Variants in DPYSL3 observed in about 807,000 individuals in gnomAD.
DPYSL3 encodes the protein dihydropyrimidinase-related protein 3.
Under a neutral mutation model 66.1 loss-of-function variants are expected in DPYSL3, and 16 were observed. The observed-to-expected ratio is 0.24, with a 90% CI of 0.16 to 0.37. The LOEUF is 0.37. Among genes scored for constraint, DPYSL3 ranks in the 10% least tolerant of loss-of-function variants. The pLI is 1.00. For missense variants in DPYSL3, 738 were observed against 916.2 expected (o/e 0.81, Z 2.51); for synonymous variants, 338 against 345.1 (o/e 0.98, Z 0.23).
chr5:147,397,575 G>T, intron 12 of DPYSL3, 91 bp downstream of exon 12: 1 of 1,356,514 alleles, frequency 7.4e-7, no homozygotes, highest in Non-Finnish European at 1.0e-6. Context: ...AGAGTCTAGA[G>T]ATCACAGTGC....
chr5:147,446,605 C>T (rs1234693230), intron 1 of DPYSL3, among the ~76,000 whole-genome samples: 1 of 152,172 alleles, frequency 6.6e-6, no homozygotes, highest in Non-Finnish European at 1.5e-5. Flanking sequence ...GGGAAACAGA[C>T]AGCCTGGCTA....
At chr5:147,468,802 G>C (rs1383647703) in intron 1 of DPYSL3, among the ~76,000 whole-genome samples, 1 of 152,062 alleles carries the variant, frequency 6.6e-6, no homozygotes, top group Non-Finnish European at 1.5e-5. Flanking sequence ...GTATACATGT[G>C]CCATGTTGGT....
intron 1 of DPYSL3, among the ~76,000 whole-genome samples, chr5:147,491,782 A>G (rs1753419526): frequency 6.6e-6 from 1 of 152,112 alleles, no homozygotes; most frequent in African/African-American, 2.4e-5. Context: ...AGACCAAAAC[A>G]GAATATCCAA....
chr5:147,444,859 A>C (rs1752602346), intron 1 of DPYSL3, among the ~76,000 whole-genome samples: 1 of 152,182 alleles, frequency 6.6e-6, no homozygotes, highest in Non-Finnish European at 1.5e-5. Context: ...GTAAATGTCC[A>C]GCCCTAATAG....
chr5:147,471,761 A>G (rs1344298903), intron 1 of DPYSL3, among the ~76,000 whole-genome samples: 2 of 152,130 alleles, frequency 1.3e-5, no homozygotes, highest in Non-Finnish European at 2.9e-5. Context: ...ACCAAGGGGG[A>G]AAAAATGACA....
At chr5:147,414,578 C>A (rs149301635) in intron 4 of DPYSL3, among the ~76,000 whole-genome samples, 18 of 152,310 alleles carry the variant, frequency 1.2e-4, no homozygotes, top group Non-Finnish European at 2.5e-4. Flanking sequence ...AAACACTACC[C>A]TTCCCAAAAG....
intron 1 of DPYSL3, among the ~76,000 whole-genome samples, chr5:147,433,900 C>T (rs116330551): frequency 0.025 from 3,789 of 152,046 alleles, 156 homozygotes; most frequent in African/African-American, 0.083. Flanking sequence ...GGCGTGGTGG[C>T]ATCCCTGTAA....
rs571802312 is a variant in DPYSL3 at position 147,480,505 on chromosome 5, G to A, written c.381+28973C>T. On this transcript the variant is annotated intron_variant, in intron 1 of 13. Transcript: ENST00000343218. Reference sequence around the variant, plus strand: ...TAGTAGGGTCTCTGTTATGGTGGCTGAACCTAGACTGATATGGCTATGTTA... The same window carrying A: ...TAGTAGGGTCTCTGTTATGGTGGCTAAACCTAGACTGATATGGCTATGTTA... 2.0e-5 allele frequency among the ~76,000 whole-genome samples: 3 copies of A among 152,244 alleles called. No homozygotes were observed. In the East Asian group the frequency reaches 5.8e-4, roughly 29 times the overall value.
At chr5:147,460,948 A>G (rs2126410007) in intron 1 of DPYSL3, among the ~76,000 whole-genome samples, 1 of 152,360 alleles carries the variant, frequency 6.6e-6, no homozygotes, top group East Asian at 1.9e-4. Flanking sequence ...AAGAGGTCCT[A>G]TTGATACAGG....
chr5:147,466,976 A>G (rs1164502496), intron 1 of DPYSL3, among the ~76,000 whole-genome samples: 1 of 152,148 alleles, frequency 6.6e-6, no homozygotes, highest in Non-Finnish European at 1.5e-5. Context: ...GAGTGTCAAC[A>G]AATGAGTACT....
At chr5:147,490,424 G>T (rs1753398283) in intron 1 of DPYSL3, among the ~76,000 whole-genome samples, 2 of 152,242 alleles carry the variant, frequency 1.3e-5, no homozygotes, top group African/African-American at 4.8e-5. Context: ...CCTATTAAAA[G>T]AAATGTATAA....
At chr5:147,488,378 G>T (rs1753367669) in intron 1 of DPYSL3, among the ~76,000 whole-genome samples, 1 of 152,160 alleles carries the variant, frequency 6.6e-6, no homozygotes, top group African/African-American at 2.4e-5. Context: ...CGATGAATGG[G>T]CTACAGGGTC....
chr5:147,440,176 G>A (rs1040019439), intron 1 of DPYSL3, among the ~76,000 whole-genome samples: 7 of 152,182 alleles, frequency 4.6e-5, no homozygotes, highest in African/African-American at 9.6e-5. Flanking sequence ...GGTGACAGGC[G>A]CCTGTAGTCC....
chr5:147,492,311 G>A (rs763237772), intron 1 of DPYSL3, among the ~76,000 whole-genome samples: 1 of 151,884 alleles, frequency 6.6e-6, no homozygotes, highest in African/African-American at 2.4e-5. Flanking sequence ...AAATGATATA[G>A]GTCAGAAACT....
Position 147,450,808 on chromosome 5 carries a change from C to T in DPYSL3, c.382-25845G>A, listed in dbSNP as rs140433496. On this transcript the variant is annotated intron_variant, in intron 1 of 13. Coordinates refer to ENST00000343218, the MANE Select transcript of DPYSL3 (RefSeq NM_001197294.2). ...GGGTACCAGGCCAAGAAAGACTGCCCCCACTAGTCCTCAGATTGTAGTGAC... is the reference window on the plus strand; with the variant it reads ...GGGTACCAGGCCAAGAAAGACTGCCTCCACTAGTCCTCAGATTGTAGTGAC... Among the ~76,000 whole-genome samples the T allele has an allele frequency of 1.1e-4, 17 of 152,234 alleles. No individual in the cohort carries two copies. The East Asian group carries it at 2.1e-3, about 19-fold the overall frequency.
chr5:147,477,219 G>GA (rs942973405), intron 1 of DPYSL3, among the ~76,000 whole-genome samples: 8 of 152,024 alleles, frequency 5.3e-5, no homozygotes, highest in African/African-American at 9.7e-5. Context: ...CTGGAAGTGG[G>GA]AAAAAAATAG....
intron 1 of DPYSL3, among the ~76,000 whole-genome samples, chr5:147,425,249 T>A (rs1311856369): frequency 4.6e-5 from 7 of 152,212 alleles, no homozygotes; most frequent in Admixed American, 3.9e-4. Context: ...AAGGGAGACA[T>A]CCTTTATATT....
intron 1 of DPYSL3, among the ~76,000 whole-genome samples, chr5:147,483,185 G>T (rs1030860563): frequency 2.0e-5 from 3 of 152,146 alleles, no homozygotes; most frequent in Admixed American, 6.5e-5. Flanking sequence ...AAGGTAAAGG[G>T]ATATGATCAA....
chr5:147,422,157 AAAAC>A (rs1752093998), intron 2 of DPYSL3, among the ~76,000 whole-genome samples: 2 of 152,216 alleles, frequency 1.3e-5, no homozygotes, highest in African/African-American at 4.8e-5. Flanking sequence ...TTACAAGAAA[AAAAC>A]AAACAACCCC....
Sources: gnomAD v4.1 joint callset for allele counts (sites outside exome capture counted in the v4.1 genomes callset) on GRCh38, gnomAD v4.1.1 for gene constraint, MANE v1.5 for transcripts, NCBI Gene and HGNC (gene_info 2026-07-23, HGNC 2026-07-21) for gene names.